Variants in CPVL observed in about 807,000 individuals in gnomAD.
CPVL encodes probable serine carboxypeptidase CPVL.
A neutral mutation model predicts 63.7 loss-of-function variants in CPVL; 51 were observed. That is an observed-to-expected ratio of 0.80 (90% CI 0.64 to 1.01). CPVL has a LOEUF of 1.01. Ranked by LOEUF, CPVL falls within the 50% of genes least tolerant of loss-of-function variation. CPVL has a pLI of 0.00. For synonymous variants in CPVL, 195 were observed against 206.0 expected (o/e 0.95, Z 0.46); for missense variants, 530 against 573.1 (o/e 0.92, Z 0.77).
At chr7:29,084,476 T>C (rs1409160392) in intron 7 of CPVL, among the ~76,000 whole-genome samples, 2 of 152,236 alleles carry the variant, frequency 1.3e-5, no homozygotes, top group Non-Finnish European at 2.9e-5. Flanking sequence ...TTCATGACAC[T>C]TGTCCCTGCC....
intron 1 of CPVL, among the ~76,000 whole-genome samples, chr7:29,133,451 C>T (rs533578192): frequency 2.0e-5 from 3 of 152,332 alleles, no homozygotes; most frequent in African/African-American, 7.2e-5. Context: ...CAGCTTATCA[C>T]ACTTCCACAC....
Position 29,043,648 on chromosome 7 carries a change from G to A in CPVL, c.1138-12889C>T, listed in dbSNP as rs186796675. ...AAAAAGTTTCTGCTTTTGTGCTGCTGCGTTGATCATTACCCAATGACAAGA... is the reference window on the plus strand; with the variant it reads ...AAAAAGTTTCTGCTTTTGTGCTGCTACGTTGATCATTACCCAATGACAAGA... On this transcript the variant is annotated intron_variant, in intron 11 of 12. Coordinates refer to ENST00000265394, the MANE Select transcript of CPVL (RefSeq NM_031311.5). Among the ~76,000 whole-genome samples, 23 of 152,272 alleles carry A rather than the reference G, an allele frequency of 1.5e-4. No individual in the cohort carries two copies. In the East Asian group the frequency reaches 4.4e-3, roughly 29 times the overall value.
intron 7 of CPVL, among the ~76,000 whole-genome samples, chr7:29,077,779 A>G (rs1212308820): frequency 6.6e-6 from 1 of 152,206 alleles, no homozygotes; most frequent in Non-Finnish European, 1.5e-5. Flanking sequence ...AGGGAAGAAG[A>G]CAGCTTCAAT....
intron 11 of CPVL, among the ~76,000 whole-genome samples, chr7:29,044,465 T>C (rs1251152253): frequency 6.6e-6 from 1 of 152,178 alleles, no homozygotes; most frequent in Non-Finnish European, 1.5e-5. Flanking sequence ...TATTTCCTTT[T>C]GTTTTAAATT....
chr7:29,189,436 C>T (rs1470350480), intron 1 of CPVL, among the ~76,000 whole-genome samples: 1 of 151,956 alleles, frequency 6.6e-6, no homozygotes, highest in Non-Finnish European at 1.5e-5. Flanking sequence ...CCATAGGAAC[C>T]CCCGCAGAAG....
intron 5 of CPVL, among the ~76,000 whole-genome samples, chr7:29,158,051 CAAAT>C (rs953479152): frequency 7.9e-5 from 12 of 152,006 alleles, no homozygotes; most frequent in African/African-American, 1.7e-4. Flanking sequence ...GGGAGGTAAT[CAAAT>C]AAAGGAGAAA....
At chr7:29,045,930 T>C (rs757064674) in intron 11 of CPVL, among the ~76,000 whole-genome samples, 4 of 152,198 alleles carry the variant, frequency 2.6e-5, no homozygotes, top group Non-Finnish European at 5.9e-5. Flanking sequence ...AGAACTCTAA[T>C]GACCTGGGTG....
Position 29,086,474 on chromosome 7 carries a change from T to C in CPVL, c.609+10A>G, listed in dbSNP as rs1198405229. The C allele has an allele frequency of 1.2e-6, 2 of 1,602,458 alleles. No individual in the cohort carries two copies. The highest frequency in any genetic ancestry group is 1.7e-6 in the Non-Finnish European group (2 of 1,169,530). ...TTTGAAGCACACAAGGAAACGTGAC[T>C]TCTACTTACCTCCCCAGTGACATAA... is the stretch of plus-strand genomic sequence containing the variant. On this transcript the variant is annotated intron_variant, in intron 7 of 12. Transcript: ENST00000265394.
intron 12 of CPVL, among the ~76,000 whole-genome samples, chr7:29,022,013 A>G (rs969223395): frequency 1.3e-5 from 2 of 152,162 alleles, no homozygotes; most frequent in Admixed American, 1.3e-4. Context: ...AGGCTGCCCT[A>G]GGGACAAAGG....
chr7:29,156,157 G>A (rs1028486355), intron 5 of CPVL, among the ~76,000 whole-genome samples: 1 of 152,158 alleles, frequency 6.6e-6, no homozygotes, highest in Non-Finnish European at 1.5e-5. Context: ...TGAGTTTTTT[G>A]ACATTCAGGT....
chr7:29,016,430 G>A (rs1383718761), intron 12 of CPVL, among the ~76,000 whole-genome samples: 1 of 152,032 alleles, frequency 6.6e-6, no homozygotes, highest in African/African-American at 2.4e-5. Flanking sequence ...AACCAGGTTT[G>A]TCTAACTCCA....
At chr7:29,193,038 A>G (rs1386363354) in intron 1 of CPVL, 6 of 152,310 alleles carry the variant, frequency 3.9e-5, no homozygotes, top group Admixed American at 3.9e-4. Context: ...CATTTCGTGC[A>G]GTCCACAAAA....
In CPVL at chr7:29,064,119, C is replaced by T. The variant is rs143400871; in HGVS notation, c.1079G>A (p.Arg360Gln). Residue 360 changes from arginine to glutamine, a missense_variant, in exon 11 of 13, where the codon CGA becomes CAA. Arg to Gln is a conservative substitution (Grantham distance 43, BLOSUM62 1). Coordinates refer to ENST00000265394, the MANE Select transcript of CPVL (RefSeq NM_031311.5). ...CTTAACTGACTGTACTGTATCTTCTCGCAAGTACTTTTCAACTATAGTTCC... is the reference window on the plus strand; with the variant it reads ...CTTAACTGACTGTACTGTATCTTCTTGCAAGTACTTTTCAACTATAGTTCC... ...NDGTIVEKYL[R>Q]EDTVQSVKPW... The T allele has an allele frequency of 2.2e-5, 36 of 1,613,048 alleles. No homozygotes were observed. The highest frequency in any genetic ancestry group is 5.5e-5 in the South Asian group (5 of 91,060).
rs1437692029 is a variant in CPVL at position 29,064,075 on chromosome 7, T to G, written c.1123A>C (p.Met375Leu). 1 of 1,611,284 alleles carries G rather than the reference T, an allele frequency of 6.2e-7. No individual in the cohort carries two copies. The highest frequency in any genetic ancestry group is 1.1e-5 in the South Asian group (1 of 90,972). Residue 375 changes from methionine to leucine, a missense_variant, in exon 11 of 13, where the codon ATG becomes CTG. Physicochemically the swap from Met to Leu is conservative, Grantham distance 15. Transcript: ENST00000265394. ...QSVKPWLTEI[M>L]NNYKVLIYNG... Reference sequence around the variant, plus strand: ...AGCTCTCTTACCTTATAATTATTCATGATTTCAGTTAACCATGGCTTAACT... The same window carrying G: ...AGCTCTCTTACCTTATAATTATTCAGGATTTCAGTTAACCATGGCTTAACT...
At chr7:29,045,457 T>C (rs1789518578) in intron 11 of CPVL, among the ~76,000 whole-genome samples, 1 of 152,212 alleles carries the variant, frequency 6.6e-6, no homozygotes, top group South Asian at 2.1e-4. Flanking sequence ...ATAAAATAAA[T>C]GTCCTAGAGT....
chr7:29,146,190 C>G (rs1792599689), intron 1 of CPVL: 1 of 162,574 alleles, frequency 6.2e-6, no homozygotes, highest in Admixed American at 6.1e-5. Context: ...GACAGTTGTG[C>G]CAGGAAACTT....
intron 3 of CPVL, among the ~76,000 whole-genome samples, chr7:29,107,836 G>A (rs905443569): frequency 2.0e-5 from 3 of 152,220 alleles, no homozygotes; most frequent in Non-Finnish European, 4.4e-5. Flanking sequence ...ATGAGGGAGT[G>A]TACATGGCAC....
At chr7:29,148,122 A>G (rs911095491), upstream of CPVL, among the ~76,000 whole-genome samples, 1 of 152,212 alleles carries the variant, frequency 6.6e-6, no homozygotes, top group Admixed American at 6.5e-5. Flanking sequence ...ACATTAGCAG[A>G]TAACACTGCT....
At chr7:29,091,982 A>G (rs1374170666) in intron 6 of CPVL, among the ~76,000 whole-genome samples, 1 of 152,182 alleles carries the variant, frequency 6.6e-6, no homozygotes, top group Admixed American at 6.5e-5. Context: ...TATAATACAT[A>G]AAGCGGTGCC....
Sources: gnomAD v4.1 joint callset for allele counts (sites outside exome capture counted in the v4.1 genomes callset) on GRCh38, gnomAD v4.1.1 for gene constraint, MANE v1.5 for transcripts, NCBI Gene and HGNC (gene_info 2026-07-23, HGNC 2026-07-21) for gene names.